The following SEMA3C variants were observed in gnomAD, a reference collection of about 807,000 sequenced individuals.
The protein encoded by SEMA3C is semaphorin-3C.
In SEMA3C, 47 loss-of-function variants were observed where a neutral mutation model predicts 89.4. That is an observed-to-expected ratio of 0.53 (90% confidence interval 0.42 to 0.67). SEMA3C has a LOEUF of 0.67. Among genes scored for constraint, SEMA3C ranks in the 30% least tolerant of loss-of-function variants. The pLI is 0.00. For synonymous variants in SEMA3C, 310 were observed against 320.2 expected (o/e 0.97, Z 0.34); for missense variants, 839 against 929.1 (o/e 0.90, Z 1.26).
chr7:80,897,721 A>G (rs1791773923), intron 2 of SEMA3C, among the ~76,000 whole-genome samples: 2 of 152,232 alleles, frequency 1.3e-5, no homozygotes, highest in Non-Finnish European at 2.9e-5. Context: ...AAACAAGTAA[A>G]TAGAAATTCA....
In SEMA3C at chr7:80,907,955, T is replaced by C. The variant is rs562963643; in HGVS notation, c.103+8724A>G. On this transcript the variant is annotated intron_variant, in intron 2 of 17. Transcript: ENST00000265361. ...ATTAAAAGTTGTTCAATTCAGGCTGTTGAATAGTTTGTTTACACATGGACT... is the reference window on the plus strand; with the variant it reads ...ATTAAAAGTTGTTCAATTCAGGCTGCTGAATAGTTTGTTTACACATGGACT... Among the ~76,000 whole-genome samples the C allele has an allele frequency of 7.2e-5, 11 of 152,208 alleles. No homozygotes were observed. In the South Asian group the frequency reaches 1.9e-3, roughly 26 times the overall value.
intron 2 of SEMA3C, among the ~76,000 whole-genome samples, chr7:80,853,795 A>G (rs1583943699): frequency 6.6e-6 from 1 of 152,288 alleles, no homozygotes; most frequent in African/African-American, 2.4e-5. Flanking sequence ...CTGTAACAAA[A>G]AGGATTAATC....
chr7:80,756,437 G>T (rs1788068332), intron 15 of SEMA3C, among the ~76,000 whole-genome samples: 1 of 151,734 alleles, frequency 6.6e-6, no homozygotes, highest in Non-Finnish European at 1.5e-5. Flanking sequence ...CTTCCCTTCT[G>T]CCTCCAACCT....
At chr7:80,875,504 G>T (rs7806419) in intron 2 of SEMA3C, among the ~76,000 whole-genome samples, 2 of 151,968 alleles carry the variant, frequency 1.3e-5, no homozygotes, top group East Asian at 3.9e-4. Context: ...GGTTTCAGTC[G>T]CCCTTAGTCA....
chr7:80,887,533 T>C (rs1791512547), intron 2 of SEMA3C, among the ~76,000 whole-genome samples: 1 of 152,092 alleles, frequency 6.6e-6, no homozygotes, highest in Admixed American at 6.5e-5. Flanking sequence ...AATCAAAGCA[T>C]TGGTAGTATG....
intron 2 of SEMA3C, among the ~76,000 whole-genome samples, chr7:80,846,009 C>T (rs1313153292): frequency 6.6e-6 from 1 of 152,110 alleles, no homozygotes; most frequent in East Asian, 1.9e-4. Context: ...TTCTTTTTCT[C>T]AAAAATTTCA....
chr7:80,830,795 G>A (rs1394976503), intron 2 of SEMA3C, among the ~76,000 whole-genome samples: 1 of 152,128 alleles, frequency 6.6e-6, no homozygotes, highest in Non-Finnish European at 1.5e-5. Flanking sequence ...CTGGCAGGTG[G>A]TGCCACAGCC....
chr7:80,863,923 TCA>T (rs1405364998), intron 2 of SEMA3C, among the ~76,000 whole-genome samples: 1 of 118,916 alleles, frequency 8.4e-6, no homozygotes, highest in Non-Finnish European at 1.7e-5. Context: ...CACATATATA[TCA>T]TATATATCAC....
chr7:80,822,620 A>G (rs185411220), intron 4 of SEMA3C, among the ~76,000 whole-genome samples: 6 of 152,306 alleles, frequency 3.9e-5, no homozygotes. Flanking sequence ...CAGGTCTCAG[A>G]GCCAGATGAC....
intron 2 of SEMA3C, among the ~76,000 whole-genome samples, chr7:80,867,380 C>T (rs1790952742): frequency 6.6e-6 from 1 of 152,118 alleles, no homozygotes; most frequent in Non-Finnish European, 1.5e-5. Flanking sequence ...GGATTACAGG[C>T]ATGAGCCACC....
chr7:80,798,998 T>C (rs1169088550), intron 10 of SEMA3C, among the ~76,000 whole-genome samples: 2 of 152,170 alleles, frequency 1.3e-5, no homozygotes, highest in Non-Finnish European at 2.9e-5. Context: ...ATAGGCAGAA[T>C]GATGATTTTG....
At chr7:80,880,414 T>C (rs1184471999) in intron 2 of SEMA3C, among the ~76,000 whole-genome samples, 2 of 152,212 alleles carry the variant, frequency 1.3e-5, no homozygotes, top group East Asian at 3.8e-4. Context: ...TCTAACTCAG[T>C]ATCTGGCACA....
At chr7:80,751,189 G>A in intron 16 of SEMA3C, 80 bp downstream of exon 16, 1 of 1,152,732 alleles carries the variant, frequency 8.7e-7, no homozygotes, top group Non-Finnish European at 1.3e-6. Flanking sequence ...CTGAATCTAT[G>A]ACAATGTTTC....
Position 80,805,733 on chromosome 7 carries a change from A to G in SEMA3C, c.564T>C (p.Tyr188=). The G allele has an allele frequency of 1.2e-6, 2 of 1,605,780 alleles. No individual in the cohort carries two copies. Among genetic ancestry groups the G allele is most frequent in the Non-Finnish European group, 1.7e-6 (2 of 1,173,496 alleles). Residue 188 remains tyrosine (Y), a synonymous_variant, in exon 7 of 18, where the codon TAT becomes TAC. Coordinates refer to ENST00000265361, the MANE Select transcript of SEMA3C (RefSeq NM_006379.5). ...MINEELFSGM[Y]IDFMGTDAAI... is the part of the protein sequence containing the mutation. ...CAGCATCTGTCCCCATGAAATCTAT[A>G]TACATTCCAGAGAAAAGCTCCTCAT...
chr7:80,813,915 T>C (rs1789533488), intron 5 of SEMA3C, among the ~76,000 whole-genome samples: 3 of 152,138 alleles, frequency 2.0e-5, no homozygotes, highest in African/African-American at 7.2e-5. Context: ...TTAATGACAA[T>C]TATGGTACAA....
chr7:80,764,708 T>G lies in SEMA3C; in HGVS notation c.1443+447A>C, dbSNP rs574903985. Among the ~76,000 whole-genome samples the G allele has an allele frequency of 2.0e-5, 3 of 152,284 alleles. No individual in the cohort carries two copies. In the East Asian group the frequency reaches 5.8e-4, roughly 29 times the overall value. On this transcript the variant is annotated intron_variant, in intron 13 of 17. Transcript: ENST00000265361. Reference sequence around the variant, plus strand: ...GACATTTGAATTAAAGGCAATAAAATAAGAGAAAACAAAGTCGTTTTTCTT... The same window carrying G: ...GACATTTGAATTAAAGGCAATAAAAGAAGAGAAAACAAAGTCGTTTTTCTT...
chr7:80,912,185 A>C (rs1792168997), intron 2 of SEMA3C, among the ~76,000 whole-genome samples: 1 of 152,108 alleles, frequency 6.6e-6, no homozygotes, highest in Admixed American at 6.5e-5. Context: ...ATTTTTCTAA[A>C]ATTTTTTCTC....
intron 4 of SEMA3C, 22 bp downstream of exon 4, chr7:80,827,403 T>C: frequency 6.7e-7 from 1 of 1,491,338 alleles, no homozygotes; most frequent in African/African-American, 1.4e-5. Context: ...TTTTTTTTTT[T>C]TTTTTTTTTT....
At chr7:80,777,300 G>GT (rs569289131) in intron 12 of SEMA3C, among the ~76,000 whole-genome samples, 49 of 148,094 alleles carry the variant, frequency 3.3e-4, no homozygotes, top group South Asian at 6.4e-4. Flanking sequence ...TTTATTTGGG[G>GT]TTTTTTTTTT....
Sources: gnomAD v4.1 joint callset for allele counts (sites outside exome capture counted in the v4.1 genomes callset) on GRCh38, gnomAD v4.1.1 for gene constraint, MANE v1.5 for transcripts, NCBI Gene and HGNC (gene_info 2026-07-23, HGNC 2026-07-21) for gene names.